HFM1: variants seen among roughly 807,000 people sequenced by gnomAD.
The protein encoded by HFM1 is helicase for meiosis 1.
A neutral mutation model predicts 192.1 loss-of-function variants in HFM1; 169 were observed. That is an observed-to-expected ratio of 0.88 (90% CI 0.78 to 1.00). The LOEUF (loss-of-function observed/expected upper bound fraction) is 1.00, where lower values mean the gene tolerates loss of function less well. Ranked by LOEUF, HFM1 falls within the 50% of genes least tolerant of loss-of-function variation. The pLI, the probability that HFM1 is intolerant of heterozygous loss-of-function variation, is 0.00. For synonymous variants in HFM1, 525 were observed against 537.8 expected (o/e 0.98, Z 0.33); for missense variants, 1,661 against 1,668.0 (o/e 1.00, Z 0.07).
At chr1:91,328,678 T>G (rs1423149741) in intron 20 of HFM1, 105 of 1,597,598 alleles carry the variant, frequency 6.6e-5, no homozygotes, top group Non-Finnish European at 8.3e-5. Context: ...GCTGGCCAAA[T>G]GCAGTGAACT....
rs550649065 is a variant in HFM1 at position 91,389,287 on chromosome 1, G to A, written c.495-3453C>T. On this transcript the variant is annotated intron_variant, in intron 4 of 38. Transcript: ENST00000370425. Reference sequence around the variant, plus strand: ...AGTGATTCTCCTGCCTCAGCCTCCTGAGTAGCTAGGATTACAGGCGCATGC... The same window carrying A: ...AGTGATTCTCCTGCCTCAGCCTCCTAAGTAGCTAGGATTACAGGCGCATGC... Among the ~76,000 whole-genome samples, 10 of 152,012 alleles carry A rather than the reference G, an allele frequency of 6.6e-5. No individual in the cohort carries two copies. In the East Asian group the frequency reaches 1.6e-3, roughly 24 times the overall value.
At chr1:91,375,962 AATT>A (rs1436720274) in intron 11 of HFM1, among the ~76,000 whole-genome samples, 3 of 149,506 alleles carry the variant, frequency 2.0e-5, no homozygotes, top group Admixed American at 6.8e-5. Context: ...ACTTCCAATT[AATT>A]ATTATTATTT....
Position 91,311,663 on chromosome 1 carries a change from T to C in HFM1, c.3391+1686A>G, listed in dbSNP as rs377445503. Reference sequence around the variant, plus strand: ...AAGTTCAGAAAATTTGCAGCCTGACTATGCAATAGAAAAGAAAAACCCATT... The same window carrying C: ...AAGTTCAGAAAATTTGCAGCCTGACCATGCAATAGAAAAGAAAAACCCATT... On this transcript the variant is annotated intron_variant, in intron 30 of 38. Transcript: ENST00000370425. 5.5e-4 allele frequency among the ~76,000 whole-genome samples: 83 copies of C among 151,402 alleles called. 2 individuals carry two copies. The South Asian group carries it at 0.017, about 31-fold the overall frequency.
At chr1:91,356,244 A>T (rs1657714696) in intron 13 of HFM1, among the ~76,000 whole-genome samples, 3 of 142,842 alleles carry the variant, frequency 2.1e-5, no homozygotes, top group East Asian at 2.0e-4. Context: ...TCTAAGAGGA[A>T]TTTTTTTTTT....
intron 13 of HFM1, among the ~76,000 whole-genome samples, chr1:91,370,556 A>C (rs1660042350): frequency 6.6e-6 from 1 of 152,026 alleles, no homozygotes; most frequent in South Asian, 2.1e-4. Context: ...CATGCTAAAA[A>C]CTCTCAATAA....
chr1:91,394,029 T>C, intron 4 of HFM1, 64 bp downstream of exon 4: 1 of 928,120 alleles, frequency 1.1e-6, no homozygotes, highest in Non-Finnish European at 1.6e-6. Flanking sequence ...TATTTAATAC[T>C]TTTATATGTA....
At chr1:91,404,603 C>G in intron 1 of HFM1, 195 bp downstream of exon 1, 1 of 264,700 alleles carries the variant, frequency 3.8e-6, no homozygotes. Flanking sequence ...GGAAATGCGG[C>G]TGAGGCGCTG....
At chr1:91,324,158 C>T (rs541675074) in intron 21 of HFM1, among the ~76,000 whole-genome samples, 3 of 152,230 alleles carry the variant, frequency 2.0e-5, no homozygotes, top group East Asian at 1.9e-4. Flanking sequence ...TGTTATTATT[C>T]CCATTTTTTC....
intron 4 of HFM1, among the ~76,000 whole-genome samples, chr1:91,388,058 G>C (rs1662470991): frequency 6.6e-6 from 1 of 152,096 alleles, no homozygotes; most frequent in African/African-American, 2.4e-5. Context: ...TGCTGACAGA[G>C]TGTCATGCTC....
At chr1:91,370,490 C>T (rs1235442391) in intron 13 of HFM1, among the ~76,000 whole-genome samples, 1 of 152,090 alleles carries the variant, frequency 6.6e-6, no homozygotes, top group Non-Finnish European at 1.5e-5. Flanking sequence ...AGACAAAAAC[C>T]ACATGATTAT....
chr1:91,348,393 G>A (rs114027748), intron 18 of HFM1, among the ~76,000 whole-genome samples: 264 of 152,150 alleles, frequency 1.7e-3, no homozygotes, highest in African/African-American at 6.1e-3. Flanking sequence ...GAGCTACTAA[G>A]GTACCAATTT....
chr1:91,294,090 C>T (rs1482680969), intron 30 of HFM1, among the ~76,000 whole-genome samples: 2 of 150,494 alleles, frequency 1.3e-5, no homozygotes, highest in Non-Finnish European at 3.0e-5. Flanking sequence ...GGGAGATATA[C>T]CTAATGCTAG....
At chr1:91,264,652 C>T (rs1665573675) in intron 36 of HFM1, among the ~76,000 whole-genome samples, 2 of 151,786 alleles carry the variant, frequency 1.3e-5, no homozygotes, top group East Asian at 1.9e-4. Context: ...GGATTACAAG[C>T]GTGAGCCACC....
chr1:91,277,304 C>A (rs890902730), intron 30 of HFM1, among the ~76,000 whole-genome samples: 1 of 151,310 alleles, frequency 6.6e-6, no homozygotes, highest in Non-Finnish European at 1.5e-5. Context: ...ATTACAGCCT[C>A]AATCTCCTGG....
At chr1:91,356,720 G>A (rs1437311910) in intron 13 of HFM1, among the ~76,000 whole-genome samples, 3 of 148,722 alleles carry the variant, frequency 2.0e-5, no homozygotes, top group Admixed American at 6.7e-5. Context: ...CTAGACTAAG[G>A]AAAAAAAAAG....
At chr1:91,306,975 T>C (rs756548865) in intron 30 of HFM1, among the ~76,000 whole-genome samples, 1 of 152,188 alleles carries the variant, frequency 6.6e-6, no homozygotes, top group African/African-American at 2.4e-5. Context: ...CATTATAAAA[T>C]TGTTAATGTC....
chr1:91,385,089 T>C, intron 6 of HFM1, 98 bp downstream of exon 6: 2 of 823,328 alleles, frequency 2.4e-6, no homozygotes, highest in South Asian at 3.4e-5. Flanking sequence ...TCCCTCTTTT[T>C]CTCCATCAAC....
At chr1:91,398,702 T>C (rs542626082) in intron 2 of HFM1, among the ~76,000 whole-genome samples, 69 of 151,274 alleles carry the variant, frequency 4.6e-4, no homozygotes, top group African/African-American at 1.0e-3. Context: ...TTTTTTTTTT[T>C]CCCTCCTGAG....
intron 18 of HFM1, among the ~76,000 whole-genome samples, chr1:91,347,717 G>C (rs1656328734): frequency 6.6e-6 from 1 of 152,136 alleles, no homozygotes; most frequent in South Asian, 2.1e-4. Flanking sequence ...TCTATCAAGT[G>C]ATTAATATCT....
Sources: allele counts gnomAD v4.1 joint callset (sites outside exome capture counted in the v4.1 genomes callset), GRCh38; gene constraint gnomAD v4.1.1; transcripts MANE v1.5; gene names NCBI Gene and HGNC (gene_info 2026-07-23, HGNC 2026-07-21).